The following NFIB variants were observed in gnomAD, a reference collection of about 807,000 sequenced individuals.
NFIB encodes the protein nuclear factor 1 B-type.
Under a neutral mutation model 61.5 loss-of-function variants are expected in NFIB, and 11 were observed. The ratio of observed to expected loss-of-function variants is 0.18; its 90% CI spans 0.11 to 0.30. The LOEUF is 0.30. Ranked by LOEUF, NFIB falls within the 10% of genes least tolerant of loss-of-function variation. The pLI is 1.00. For synonymous variants in NFIB, 260 were observed against 216.5 expected, an observed-to-expected ratio of 1.20 and a Z score of -1.76; for missense variants, 471 against 608.9, an observed-to-expected ratio of 0.77 and a Z score of 2.38.
At chr9:14,501,977 C>G in the NFIB span, among the ~76,000 whole-genome samples, 1 of 152,068 alleles carries the variant, frequency 6.6e-6, no homozygotes, top group Non-Finnish European at 1.5e-5. Context: ...CAGACCTCTG[C>G]TGGCCAGGGA....
chr9:14,358,585 G>A (rs77486458), intron 1 of NFIB, among the ~76,000 whole-genome samples: 1,873 of 152,250 alleles, frequency 0.012, 31 homozygotes, highest in African/African-American at 0.043. Context: ...AGGTGGATTC[G>A]TTGTTTTTGT....
chr9:14,201,801 TAA>T (rs141196920), intron 2 of NFIB, among the ~76,000 whole-genome samples: 1 of 146,884 alleles, frequency 6.8e-6, no homozygotes, highest in African/African-American at 2.5e-5. Flanking sequence ...AAAGTAACCT[TAA>T]AAAAAAAAAG....
the NFIB span, among the ~76,000 whole-genome samples, chr9:14,411,894 C>T: frequency 7.9e-5 from 12 of 152,246 alleles, no homozygotes; most frequent in South Asian, 2.1e-4. Flanking sequence ...TTGCTTGTTC[C>T]GATGGGGAGG....
chr9:14,158,110 C>CAAAAAA (rs372875773), intron 3 of NFIB, among the ~76,000 whole-genome samples: 4 of 64,370 alleles, frequency 6.2e-5, no homozygotes, highest in Non-Finnish European at 1.3e-4. Context: ...GACTCCATCT[C>CAAAAAA]AAAAAAAAAA....
At chr9:14,401,527 A>G (rs1051124429), upstream of NFIB, among the ~76,000 whole-genome samples, 1 of 152,198 alleles carries the variant, frequency 6.6e-6, no homozygotes, top group African/African-American at 2.4e-5. Context: ...TACAGTTCCT[A>G]TCCTATAAAT....
At chr9:14,260,534 T>G (rs944813874) in intron 2 of NFIB, among the ~76,000 whole-genome samples, 14 of 152,230 alleles carry the variant, frequency 9.2e-5, no homozygotes, top group African/African-American at 3.4e-4. Context: ...CTCATGGTGC[T>G]TCAAATAATA....
At chr9:14,501,859 T>C in the NFIB span, among the ~76,000 whole-genome samples, 1 of 151,982 alleles carries the variant, frequency 6.6e-6, no homozygotes, top group Non-Finnish European at 1.5e-5. Context: ...GGCTCCTGGG[T>C]GAGTATGGGA....
the NFIB span, among the ~76,000 whole-genome samples, chr9:14,450,938 AC>A: frequency 6.6e-6 from 1 of 152,360 alleles, no homozygotes; most frequent in Non-Finnish European, 1.5e-5. Flanking sequence ...TGCTTTGAAT[AC>A]ATTTTCAGGG....
the NFIB span, among the ~76,000 whole-genome samples, chr9:14,453,660 A>G: frequency 6.6e-6 from 1 of 152,248 alleles, no homozygotes; most frequent in Non-Finnish European, 1.5e-5. Context: ...TTATGAAAGT[A>G]GAAATGGTCT....
At chr9:14,382,253 A>G (rs1214666827) in intron 1 of NFIB, among the ~76,000 whole-genome samples, 1 of 152,182 alleles carries the variant, frequency 6.6e-6, no homozygotes, top group Non-Finnish European at 1.5e-5. Context: ...CTTCTTGACG[A>G]GTGGATGAAT....
At chr9:14,285,701 A>G (rs2058665333) in intron 2 of NFIB, among the ~76,000 whole-genome samples, 1 of 152,168 alleles carries the variant, frequency 6.6e-6, no homozygotes, top group African/African-American at 2.4e-5. Flanking sequence ...AAGGAGTCAA[A>G]CAGGTGACTT....
the NFIB span, among the ~76,000 whole-genome samples, chr9:14,479,908 G>A: frequency 6.6e-6 from 1 of 151,994 alleles, no homozygotes; most frequent in East Asian, 1.9e-4. Context: ...AGCAGTGATG[G>A]GTTGCACAAC....
chr9:14,155,865 A>G lies in NFIB; in HGVS notation c.645T>C (p.Ser215=). 1 of 1,589,092 alleles carries G rather than the reference A, an allele frequency of 6.3e-7. No individual in the cohort carries two copies. The highest frequency in any genetic ancestry group is 8.6e-7 in the Non-Finnish European group (1 of 1,166,632). The change falls in exon 4 of 11, where the codon TCT becomes TCC. Residue 215 remains serine (S), a synonymous_variant. Transcript: ENST00000380953. ...CAAGTTCTGATACATTGAAGACTCC[A>G]GATTTTACAAAACTATCCTCAAGGT... ...PGYLEDSFVK[S]GVFNVSELVR... is the part of the protein sequence containing the mutation.
At position 14,220,842 on chromosome 9, in the gene NFIB, T is replaced by TACACCCACCCCCAC. The variant is rs762429739; in HGVS notation, c.563-41063_563-41062insGTGGGGGTGGGTGT. 3.9e-4 allele frequency among the ~76,000 whole-genome samples: 48 copies of TACACCCACCCCCAC among 123,094 alleles called. No individual in the cohort carries two copies. The East Asian group carries it at 0.01, about 27-fold the overall frequency. The allele number at this position is 123,094 out of a possible 152,430, so 80.8% of individuals were successfully genotyped here. On this transcript the variant is annotated intron_variant, in intron 2 of 10. Coordinates refer to ENST00000380953, the MANE Select transcript of NFIB (RefSeq NM_001190737.2). ...CTATATCCAGTGAAATCAATCTCCCTACACACACACACACACACACACACA... is the reference window on the plus strand; with the variant it reads ...CTATATCCAGTGAAATCAATCTCCCTACACCCACCCCCACACACACACACACACACACACACACA...
the NFIB span, among the ~76,000 whole-genome samples, chr9:14,507,746 A>G: frequency 1.3e-5 from 2 of 152,208 alleles, no homozygotes; most frequent in African/African-American, 2.4e-5. Context: ...AAGAGGTTGG[A>G]ATGCTGAAAC....
At chr9:14,268,721 T>G (rs1179830418) in intron 2 of NFIB, among the ~76,000 whole-genome samples, 4 of 152,242 alleles carry the variant, frequency 2.6e-5, no homozygotes, top group Non-Finnish European at 5.9e-5. Flanking sequence ...GTTTTATGTT[T>G]CTGTTTCCAC....
intron 1 of NFIB, among the ~76,000 whole-genome samples, chr9:14,398,075 G>C (rs1163395780): frequency 6.6e-6 from 1 of 152,122 alleles, no homozygotes; most frequent in Non-Finnish European, 1.5e-5. Flanking sequence ...GAAATGTCAA[G>C]ACCAAAGGCT....
chr9:14,191,951 A>G (rs539648089), intron 2 of NFIB, among the ~76,000 whole-genome samples: 2 of 152,340 alleles, frequency 1.3e-5, no homozygotes, highest in African/African-American at 4.8e-5. Flanking sequence ...CACATACACA[A>G]AAACAAGAAA....
At chr9:14,369,517 G>T (rs1052102223) in intron 1 of NFIB, among the ~76,000 whole-genome samples, 3 of 151,826 alleles carry the variant, frequency 2.0e-5, no homozygotes, top group Non-Finnish European at 4.4e-5. Context: ...GTCTTCAGAA[G>T]GTGCTTCAGC....
Sources: gnomAD v4.1 joint callset for allele counts (sites outside exome capture counted in the v4.1 genomes callset) on GRCh38, gnomAD v4.1.1 for gene constraint, MANE v1.5 for transcripts, NCBI Gene and HGNC (gene_info 2026-07-23, HGNC 2026-07-21) for gene names.